The following KCNQ1 variants were observed in gnomAD, a reference collection of about 807,000 sequenced individuals.
KCNQ1 encodes the protein potassium voltage-gated channel subfamily KQT member 1.
A neutral mutation model predicts 72.4 loss-of-function variants in KCNQ1; 49 were observed. The ratio of observed to expected loss-of-function variants is 0.68; its 90% CI spans 0.54 to 0.86. The LOEUF (loss-of-function observed/expected upper bound fraction) is 0.86. Among genes scored for constraint, KCNQ1 ranks in the 40% least tolerant of loss-of-function variants. KCNQ1 has a pLI of 0.00. For synonymous variants in KCNQ1, 450 were observed against 412.6 expected (o/e 1.09, Z -1.10); for missense variants, 790 against 945.1 (o/e 0.84, Z 2.15).
intron 11 of KCNQ1, among the ~76,000 whole-genome samples, chr11:2,709,990 T>C (rs1431957503): frequency 1.3e-5 from 2 of 152,238 alleles, no homozygotes; most frequent in African/African-American, 4.8e-5. Context: ...TTCATTTTTC[T>C]TGAGTATTCA....
At position 2,808,411 on chromosome 11, in the gene KCNQ1, G is replaced by A. The variant is rs554517190; in HGVS notation, c.1794+30374G>A. 4.6e-5 allele frequency among the ~76,000 whole-genome samples: 7 copies of A among 152,342 alleles called. No homozygotes were observed. In the South Asian group the frequency reaches 1.5e-3, roughly 32 times the overall value. ...GAGCAAAGCAGGGCACTGTGCCGGA[G>A]AGGAACAGGGGTGGTCAGGGAAGAC... On this transcript the variant is annotated intron_variant, in intron 15 of 15. Coordinates refer to ENST00000155840, the MANE Select transcript of KCNQ1 (RefSeq NM_000218.3). This position sits in a 1 kb window ranked among gnomAD's most constrained non-coding sequence, Gnocchi z 6.0.
In KCNQ1 at chr11:2,642,550, AG is replaced by A. The variant is rs1849596131; in HGVS notation, c.1394-19409del. ...TTTTCATTTTTGATTTTATTCATGTAGGTCTTCTCTCTTTTCTTCTTGGATA... is the reference window on the plus strand; with the variant it reads ...TTTTCATTTTTGATTTTATTCATGTAGTCTTCTCTCTTTTCTTCTTGGATA... On this transcript the variant is annotated intron_variant, in intron 10 of 15. Transcript: ENST00000155840. This position sits in a 1 kb window ranked among gnomAD's most constrained non-coding sequence, Gnocchi z 4.3. The A allele has an allele frequency of 2.5e-6, 1 of 397,668 alleles. No homozygotes were observed. Among genetic ancestry groups the A allele is most frequent in the African/African-American group, 2.1e-5 (1 of 48,574 alleles). 24.6% of individuals were successfully genotyped at this position (397,668 alleles called of 1,614,324 possible).
chr11:2,474,681 G>A (rs1846545239), intron 1 of KCNQ1, among the ~76,000 whole-genome samples: 1 of 151,732 alleles, frequency 6.6e-6, no homozygotes, highest in Non-Finnish European at 1.5e-5. Flanking sequence ...GGGAGCTTGG[G>A]CTGAGAGCTT....
At chr11:2,660,021 C>G in intron 10 of KCNQ1, 2 of 398,404 alleles carry the variant, frequency 5.0e-6, no homozygotes, top group Admixed American at 8.8e-5. Context: ...GTGTCTGTTG[C>G]ACAGCAAAAG....
At position 2,766,043 on chromosome 11, in the gene KCNQ1, C is replaced by A. The variant is rs112872001; in HGVS notation, c.1515-2801C>A. Among the ~76,000 whole-genome samples, 64 of 152,200 alleles carry A rather than the reference C, an allele frequency of 4.2e-4. No individual in the cohort carries two copies. Among genetic ancestry groups the A allele is most frequent in the African/African-American group, 1.5e-3 (62 of 41,522 alleles). On this transcript the variant is annotated intron_variant, in intron 11 of 15. Transcript: ENST00000155840. The surrounding 1 kb of genome is among the most constrained non-coding windows in gnomAD (Gnocchi z 4.4). Reference sequence around the variant, plus strand: ...AGCTATTCTTTTCTACTCTGTCGTCCCTGCTATCCAACTCACCTATTGCAT... The same window carrying A: ...AGCTATTCTTTTCTACTCTGTCGTCACTGCTATCCAACTCACCTATTGCAT...
rs1850331829 is a variant in KCNQ1 at position 2,678,502 on chromosome 11, C to G, written c.1514+16421C>G. 2.5e-6 allele frequency: 1 copy of G among 398,458 alleles called. No homozygotes were observed. The highest frequency in any genetic ancestry group is 2.1e-5 in the African/African-American group (1 of 48,628). 24.7% of individuals were successfully genotyped at this position (398,458 alleles called of 1,614,324 possible). On this transcript the variant is annotated intron_variant, in intron 11 of 15. Coordinates refer to ENST00000155840, the MANE Select transcript of KCNQ1 (RefSeq NM_000218.3). The surrounding 1 kb of genome is among the most constrained non-coding windows in gnomAD (Gnocchi z 4.9). ...ACTCTCATTTAATTTGTGTCCATTT[C>G]TAGACTCTATTCTGGACTGCTGATG...
chr11:2,692,356 C>T (rs542135825), intron 11 of KCNQ1: 1 of 398,960 alleles, frequency 2.5e-6, no homozygotes, highest in East Asian at 3.6e-5. Flanking sequence ...CTGCAGGCAT[C>T]TCCTAACTGG....
At chr11:2,699,444 C>CGCTG (rs1850735882) in intron 11 of KCNQ1, 2 of 403,622 alleles carry the variant, frequency 5.0e-6, no homozygotes, top group East Asian at 3.7e-5. Flanking sequence ...GGGAGAACCG[C>CGCTG]ACTGAGGAGC....
At chr11:2,517,391 C>T (rs1808851105) in intron 1 of KCNQ1, among the ~76,000 whole-genome samples, 2 of 152,262 alleles carry the variant, frequency 1.3e-5, no homozygotes, top group Middle Eastern at 3.4e-3. Context: ...ATTCTGTCTG[C>T]ACCGAAGGGG....
In KCNQ1 at chr11:2,659,378, C is replaced by A; in HGVS notation, c.1394-2583C>A. 2 of 398,588 alleles carry A rather than the reference C, an allele frequency of 5.0e-6. No homozygotes were observed. Among genetic ancestry groups the A allele is most frequent in the African/African-American group, 2.1e-5 (1 of 48,760 alleles). The allele number at this position is 398,588 out of a possible 1,614,324, so 24.7% of individuals were successfully genotyped here. Reference sequence around the variant, plus strand: ...ATATGTATTCTTTTGCATCTGGCTTCTTTCACTGCTTAGCAAAATGCATTT... The same window carrying A: ...ATATGTATTCTTTTGCATCTGGCTTATTTCACTGCTTAGCAAAATGCATTT... On this transcript the variant is annotated intron_variant, in intron 10 of 15. Transcript: ENST00000155840. The surrounding 1 kb of genome is among the most constrained non-coding windows in gnomAD (Gnocchi z 4.3).
Position 2,497,240 on chromosome 11 carries a change from G to T in KCNQ1, c.387-30688G>T, listed in dbSNP as rs1003318033. Among the ~76,000 whole-genome samples the T allele has an allele frequency of 2.0e-5, 3 of 152,128 alleles. No homozygotes were observed. Among genetic ancestry groups the T allele is most frequent in the Non-Finnish European group, 4.4e-5 (3 of 68,034 alleles). ...TTGCTAGGTTGGGGAAGTTCTCCTG[G>T]ATAATATCCTGAAGTGTGTTTTCCA... is the stretch of plus-strand genomic sequence containing the variant. On this transcript the variant is annotated intron_variant, in intron 1 of 15. Coordinates refer to ENST00000155840, the MANE Select transcript of KCNQ1 (RefSeq NM_000218.3). The surrounding 1 kb of genome is among the most constrained non-coding windows in gnomAD (Gnocchi z 4.5).
chr11:2,840,964 C>A (rs1211147908), intron 15 of KCNQ1, among the ~76,000 whole-genome samples: 1 of 151,866 alleles, frequency 6.6e-6, no homozygotes, highest in Admixed American at 6.5e-5. Flanking sequence ...TTACTGGGCA[C>A]CTTCTAGGCT....
Position 2,536,194 on chromosome 11 carries a change from G to C in KCNQ1, c.477+8176G>C, listed in dbSNP as rs988830973. ...AGGCTCAGGGCAGCAGGGGCGCTCA[G>C]CTGGGCCGCGGCTCCACGGTGTTAA... On this transcript the variant is annotated intron_variant, in intron 2 of 15. Transcript: ENST00000155840. This position sits in a 1 kb window ranked among gnomAD's most constrained non-coding sequence, Gnocchi z 7.4. Among the ~76,000 whole-genome samples, 2 of 152,268 alleles carry C rather than the reference G, an allele frequency of 1.3e-5. No individual in the cohort carries two copies. Among genetic ancestry groups the C allele is most frequent in the African/African-American group, 2.4e-5 (1 of 41,476 alleles).
chr11:2,571,571 G>A (rs572883990), intron 4 of KCNQ1, among the ~76,000 whole-genome samples, 168 bp downstream of exon 4: 1 of 152,222 alleles, frequency 6.6e-6, no homozygotes, highest in South Asian at 2.1e-4. Context: ...GAGCAGGGTG[G>A]GTGCAGGCAA....
rs751665149 is a variant in KCNQ1, at chr11:2,555,470, C to T, written c.478-15158C>T. ...GAAGATGGGGGATTTGCTTTAAATACGTGTAAAGCTGCCTGCCAGGCGGCT... is the reference window on the plus strand; with the variant it reads ...GAAGATGGGGGATTTGCTTTAAATATGTGTAAAGCTGCCTGCCAGGCGGCT... On this transcript the variant is annotated intron_variant, in intron 2 of 15. Coordinates refer to ENST00000155840, the MANE Select transcript of KCNQ1 (RefSeq NM_000218.3). Among the ~76,000 whole-genome samples the T allele has an allele frequency of 2.2e-4, 34 of 152,206 alleles. 1 individual carries two copies. Among genetic ancestry groups the T allele is most frequent in the Admixed American group, 1.2e-3 (19 of 15,284 alleles).
intron 10 of KCNQ1, chr11:2,633,829 A>C (rs1849404593): frequency 2.5e-6 from 1 of 398,506 alleles, no homozygotes; most frequent in South Asian, 1.3e-4. Context: ...ATGTATATTC[A>C]AGTCCCAGAG....
intron 11 of KCNQ1, among the ~76,000 whole-genome samples, chr11:2,707,208 G>A (rs1457358728): frequency 6.6e-6 from 1 of 152,206 alleles, no homozygotes; most frequent in Non-Finnish European, 1.5e-5. Flanking sequence ...TGGATGAGAA[G>A]TAGCACCAAA....
chr11:2,687,007 G>A lies in KCNQ1; in HGVS notation c.1514+24926G>A, dbSNP rs1015116887. ...ACTGGGCCCTGACTTGCTAAGATGG[G>A]AGCAAGAGCTTAGGGCTAAAACTCA... On this transcript the variant is annotated intron_variant, in intron 11 of 15. Coordinates refer to ENST00000155840, the MANE Select transcript of KCNQ1 (RefSeq NM_000218.3). The surrounding 1 kb of genome is among the most constrained non-coding windows in gnomAD (Gnocchi z 5.0). 2 of 398,528 alleles carry A rather than the reference G, an allele frequency of 5.0e-6. No individual in the cohort carries two copies. Among genetic ancestry groups the A allele is most frequent in the East Asian group, 7.1e-5 (2 of 28,098 alleles). 24.7% of individuals were successfully genotyped at this position (398,528 alleles called of 1,614,324 possible). A position where few individuals can be genotyped will look rare whatever the true frequency, so the allele number is the denominator to read the frequency against.
chr11:2,546,597 GTTCTTTA>G (rs1426173850), intron 2 of KCNQ1, among the ~76,000 whole-genome samples: 1 of 151,776 alleles, frequency 6.6e-6, no homozygotes. Flanking sequence ...TTATTCTTCA[GTTCTTTA>G]TTCTTTATTA....
Sources: allele counts gnomAD v4.1 joint callset (sites outside exome capture counted in the v4.1 genomes callset), GRCh38; gene constraint gnomAD v4.1.1; non-coding constraint Gnocchi (gnomAD v3.1); transcripts MANE v1.5; gene names NCBI Gene and HGNC (gene_info 2026-07-23, HGNC 2026-07-21).